Variants in SMCO2 observed in about 807,000 individuals in gnomAD.
SMCO2 encodes the protein single-pass membrane and coiled-coil domain-containing protein 2.
In SMCO2, 25 loss-of-function variants were observed where a neutral mutation model predicts 29.5. The observed-to-expected ratio is 0.85, with a 90% CI of 0.62 to 1.18. SMCO2 has a LOEUF of 1.18. SMCO2 is among the 50% of genes most tolerant of loss of function. The probability of loss-of-function intolerance (pLI) is 0.00; values close to 1 mark genes in which losing one functional copy is unlikely to be tolerated. For synonymous variants in SMCO2, 117 were observed against 123.3 expected, an observed-to-expected ratio of 0.95 and a Z score of 0.34; for missense variants, 348 against 344.5, an observed-to-expected ratio of 1.01 and a Z score of -0.08.
intron 4 of SMCO2, among the ~76,000 whole-genome samples, chr12:27,479,081 A>G (rs915061593): frequency 1.2e-4 from 18 of 152,196 alleles, no homozygotes; most frequent in Non-Finnish European, 5.9e-5. Flanking sequence ...TGTGGGTGTC[A>G]GTGGCTATGG....
chr12:27,476,073 T>A (rs1226712237), intron 4 of SMCO2, among the ~76,000 whole-genome samples: 1 of 152,226 alleles, frequency 6.6e-6, no homozygotes. Flanking sequence ...TGTTTTCATT[T>A]GTCTCAAGCA....
intron 3 of SMCO2, chr12:27,473,125 A>T (rs1269970999): frequency 5.1e-6 from 2 of 395,816 alleles, no homozygotes; most frequent in Admixed American, 8.3e-5. Flanking sequence ...AAAGTGAATT[A>T]TATGTTATTT....
At chr12:27,498,108 C>T in intron 7 of SMCO2, 3 of 342,962 alleles carry the variant, frequency 8.7e-6, no homozygotes, top group South Asian at 3.3e-5. Context: ...ACATCTGTTG[C>T]TTATGGCTGT....
At chr12:27,475,444 T>C (rs1949577293) in intron 4 of SMCO2, 138 bp from the exon 5 acceptor site, 5 of 796,334 alleles carry the variant, frequency 6.3e-6, no homozygotes, top group Non-Finnish European at 8.9e-6. Context: ...TTCTTGAGGC[T>C]TGTGTGCCCA....
At chr12:27,483,316 T>C (rs1201278497) in intron 4 of SMCO2, among the ~76,000 whole-genome samples, 1 of 152,206 alleles carries the variant, frequency 6.6e-6, no homozygotes, top group African/African-American at 2.4e-5. Flanking sequence ...TTTTGCTTCA[T>C]GTACTTTGAG....
At chr12:27,435,427 T>G in the SMCO2 span, among the ~76,000 whole-genome samples, 2 of 151,152 alleles carry the variant, frequency 1.3e-5, no homozygotes, top group African/African-American at 4.9e-5. Context: ...TAGTTTTCCT[T>G]TCTTTCTGTC....
chr12:27,472,739 A>G (rs971545765), intron 2 of SMCO2, 37 bp from the exon 3 acceptor site: 6 of 1,514,050 alleles, frequency 4.0e-6, no homozygotes, highest in Non-Finnish European at 5.4e-6. Context: ...GCCCAAAGGC[A>G]TAATAACAGC....
At chr12:27,443,860 A>G in the SMCO2 span, among the ~76,000 whole-genome samples, 4 of 152,228 alleles carry the variant, frequency 2.6e-5, no homozygotes, top group Admixed American at 2.0e-4. Context: ...ATGCTCATGG[A>G]TTGAAATAAT....
At chr12:27,470,802 G>C (rs1949535050) in intron 2 of SMCO2, 37 bp downstream of exon 2, 1 of 1,543,402 alleles carries the variant, frequency 6.5e-7, no homozygotes, top group Non-Finnish European at 8.7e-7. Context: ...CAGTTTCTAG[G>C]GTCCCAACTG....
At chr12:27,426,626 TAATA>T in the SMCO2 span, among the ~76,000 whole-genome samples, 1 of 152,356 alleles carries the variant, frequency 6.6e-6, no homozygotes, top group African/African-American at 2.4e-5. Context: ...TACAGTATGA[TAATA>T]AATGTTGGAA....
In SMCO2 at chr12:27,501,975, C is replaced by G. The variant is rs547589086; in HGVS notation, c.736C>G (p.Leu246Val). Residue 246 changes from leucine to valine, a missense_variant, in exon 8 of 8, where the codon CTT becomes GTT. Transcript: ENST00000298876. ...GTTTGATGTCCTCACCGTCACTGGA[C>G]TTTTATGTTACATACTATTTTTTGG... The G allele has an allele frequency of 1.9e-6, 3 of 1,547,246 alleles. No individual in the cohort carries two copies. In the East Asian group the frequency reaches 7.3e-5, roughly 38 times the overall value.
Position 27,501,957 on chromosome 12 carries a change from G to A in SMCO2, c.718G>A (p.Val240Ile), listed in dbSNP as rs1377486282. The A allele has an allele frequency of 5.2e-6, 8 of 1,544,728 alleles. No individual in the cohort carries two copies. In the Admixed American group the frequency reaches 6.0e-5, roughly 12 times the overall value. ...ACTGAGGATTTTCATCATGTTTGAT[G>A]TCCTCACCGTCACTGGACTTTTATG... Residue 240 changes from valine to isoleucine, a missense_variant, in exon 8 of 8, where the codon GTC becomes ATC. Physicochemically the swap from Val to Ile is conservative, Grantham distance 29. Coordinates refer to ENST00000298876, the Ensembl canonical transcript of SMCO2.
the SMCO2 span, among the ~76,000 whole-genome samples, chr12:27,452,545 A>G: frequency 6.6e-6 from 1 of 152,202 alleles, no homozygotes; most frequent in African/African-American, 2.4e-5. Context: ...GCTGGAGTGC[A>G]GTGGCATAAT....
intron 5 of SMCO2, among the ~76,000 whole-genome samples, chr12:27,492,508 G>A (rs1203722993): frequency 6.6e-6 from 1 of 152,040 alleles, no homozygotes; most frequent in East Asian, 1.9e-4. Flanking sequence ...GACCAGCCTG[G>A]GCAACATGGT....
At chr12:27,485,557 C>T (rs568231375) in intron 4 of SMCO2, among the ~76,000 whole-genome samples, 1 of 149,724 alleles carries the variant, frequency 6.7e-6, no homozygotes, top group African/African-American at 2.5e-5. Flanking sequence ...TCAAGAAATT[C>T]TTGGCTTCCC....
chr12:27,441,065 CTG>C, the SMCO2 span, among the ~76,000 whole-genome samples: 40 of 152,140 alleles, frequency 2.6e-4, 2 homozygotes, highest in East Asian at 4.6e-3. Context: ...CGAGACCAGC[CTG>C]GGCAACATGG....
At chr12:27,441,986 A>T in the SMCO2 span, among the ~76,000 whole-genome samples, 5 of 152,252 alleles carry the variant, frequency 3.3e-5, no homozygotes, top group African/African-American at 9.6e-5. Flanking sequence ...AGAAATTAAG[A>T]AAGAAACTTA....
the SMCO2 span, among the ~76,000 whole-genome samples, chr12:27,443,970 A>C: frequency 6.6e-6 from 1 of 152,226 alleles, no homozygotes; most frequent in Non-Finnish European, 1.5e-5. Context: ...GAGAGAAAAC[A>C]ATCCTAAAAT....
intron 1 of SMCO2, among the ~76,000 whole-genome samples, chr12:27,468,064 C>T (rs888049328): frequency 6.6e-6 from 1 of 152,186 alleles, no homozygotes; most frequent in African/African-American, 2.4e-5. Context: ...CTCCTCACAT[C>T]TCTAATAATA....
Sources: gnomAD v4.1 joint callset for allele counts (sites outside exome capture counted in the v4.1 genomes callset) on GRCh38, gnomAD v4.1.1 for gene constraint, MANE v1.5 for transcripts, NCBI Gene and HGNC (gene_info 2026-07-23, HGNC 2026-07-21) for gene names.